ZNF638: variants seen among roughly 807,000 people sequenced by gnomAD.
The protein encoded by ZNF638 is CTCL tumor antigen se33-1.
Under a neutral mutation model 195.6 loss-of-function variants are expected in ZNF638, and 46 were observed. The observed-to-expected ratio is 0.24, with a 90% confidence interval of 0.19 to 0.30. The LOEUF is 0.30. Among genes scored for constraint, ZNF638 ranks in the 10% least tolerant of loss-of-function variants. The pLI is 1.00. For synonymous variants in ZNF638, 845 were observed against 772.0 expected (o/e 1.09, Z -1.57); for missense variants, 2,440 against 2,325.3 (o/e 1.05, Z -1.01).
At chr2:71,429,420 C>G (rs1040456843) in intron 25 of ZNF638, among the ~76,000 whole-genome samples, 10 of 152,152 alleles carry the variant, frequency 6.6e-5, no homozygotes, top group African/African-American at 2.2e-4. Context: ...CTTTCCCCCC[C>G]TTCTACATCA....
At chr2:71,335,523 G>A (rs561248827) in intron 1 of ZNF638, among the ~76,000 whole-genome samples, 216 of 150,916 alleles carry the variant, frequency 1.4e-3, no homozygotes, top group African/African-American at 5.1e-3. Flanking sequence ...GCCAACTTTT[G>A]TTTTAAATAT....
chr2:71,397,561 A>G (rs560291510), intron 11 of ZNF638, among the ~76,000 whole-genome samples: 25 of 152,282 alleles, frequency 1.6e-4, no homozygotes, highest in Admixed American at 9.8e-4. Flanking sequence ...AATTTTGGCA[A>G]TCACCACCCT....
chr2:71,395,104 A>G, intron 10 of ZNF638: 1 of 613,276 alleles, frequency 1.6e-6, no homozygotes. Flanking sequence ...GAATCCCTAA[A>G]CGCCATAGAT....
At chr2:71,401,655 C>G (rs543125974) in intron 15 of ZNF638, among the ~76,000 whole-genome samples, 97 of 151,792 alleles carry the variant, frequency 6.4e-4, no homozygotes, top group African/African-American at 2.1e-3. Flanking sequence ...CCACTGCACT[C>G]CAGCCTGGGC....
chr2:71,392,459 C>T (rs1447039194), intron 10 of ZNF638, among the ~76,000 whole-genome samples: 1 of 152,140 alleles, frequency 6.6e-6, no homozygotes, highest in African/African-American at 2.4e-5. Flanking sequence ...TTGTTAGTGA[C>T]TCTGTTTGTT....
At chr2:71,408,393 T>G in intron 20 of ZNF638, 146 bp downstream of exon 20, 1 of 1,016,232 alleles carries the variant, frequency 9.8e-7, no homozygotes, top group Non-Finnish European at 1.4e-6. Context: ...TTTCATAGTT[T>G]ATAAAGCAGT....
intron 20 of ZNF638, among the ~76,000 whole-genome samples, chr2:71,410,236 C>T (rs942908765): frequency 6.6e-6 from 1 of 152,182 alleles, no homozygotes; most frequent in African/African-American, 2.4e-5. Context: ...GGCTGGAGTG[C>T]CATGGTTCAA....
intron 19 of ZNF638, 199 bp from the exon 20 acceptor site, chr2:71,407,923 T>C (rs1188648329): frequency 2.2e-5 from 10 of 459,632 alleles, no homozygotes; most frequent in South Asian, 4.0e-5. Context: ...CACTCATCCA[T>C]TGATGGACAG....
intron 3 of ZNF638, among the ~76,000 whole-genome samples, chr2:71,361,398 A>G (rs774340008): frequency 9.2e-5 from 14 of 152,216 alleles, no homozygotes; most frequent in Non-Finnish European, 1.8e-4. Context: ...TACACATTCT[A>G]AGTAACTGGC....
Position 71,331,851 on chromosome 2 carries a change from C to G in ZNF638, c.-227C>G. The G allele has an allele frequency of 3.0e-6, 3 of 986,266 alleles. No individual in the cohort carries two copies. Among genetic ancestry groups the G allele is most frequent in the Non-Finnish European group, 3.6e-6 (3 of 830,286 alleles). The allele number at this position is 986,266 out of a possible 1,614,324, so 61.1% of individuals were successfully genotyped here. Reference sequence around the variant, plus strand: ...AAACTGTGTGGGGCGCGGATGGGATCCAGCTGTTAGTCGGGTAGGCATAGG... The same window carrying G: ...AAACTGTGTGGGGCGCGGATGGGATGCAGCTGTTAGTCGGGTAGGCATAGG... On this transcript the variant is annotated 5_prime_UTR_variant, in exon 1 of 28. In the 5' UTR this introduces an upstream ATG that the reference lacks. Coordinates refer to ENST00000264447, the MANE Select transcript of ZNF638 (RefSeq NM_014497.5).
intron 8 of ZNF638, among the ~76,000 whole-genome samples, chr2:71,372,497 A>G (rs2079332198): frequency 1.3e-5 from 2 of 152,178 alleles, no homozygotes; most frequent in Admixed American, 6.5e-5. Context: ...GACTCTGTCC[A>G]TGTTGTGGGG....
At chr2:71,348,041 T>C (rs1030515217) in intron 1 of ZNF638, among the ~76,000 whole-genome samples, 2 of 152,230 alleles carry the variant, frequency 1.3e-5, no homozygotes, top group African/African-American at 4.8e-5. Flanking sequence ...TAGTTAATCA[T>C]TATTGTCATC....
intron 1 of ZNF638, 125 bp from the exon 2 acceptor site, chr2:71,348,628 T>G (rs2078894148): frequency 8.0e-7 from 1 of 1,244,540 alleles, no homozygotes; most frequent in South Asian, 1.6e-5. Flanking sequence ...GCCCTTACTC[T>G]AAAAGTATAT....
chr2:71,346,210 A>G (rs13009964), intron 1 of ZNF638, among the ~76,000 whole-genome samples: 40,164 of 152,124 alleles, frequency 0.26, 6,952 homozygotes, highest in African/African-American at 0.49. Context: ...GTCTTCACCA[A>G]ATGGAATAAG....
chr2:71,376,846 A>T (rs1276844637), intron 8 of ZNF638, among the ~76,000 whole-genome samples: 1 of 152,210 alleles, frequency 6.6e-6, no homozygotes, highest in Non-Finnish European at 1.5e-5. Context: ...TAACCTCGAC[A>T]TCCATTCTTA....
Position 71,351,890 on chromosome 2 carries a change from G to A in ZNF638, c.1317+1619G>A, listed in dbSNP as rs147724472. On this transcript the variant is annotated intron_variant, in intron 2 of 27. Transcript: ENST00000264447. ...TATGCTGTAGGGGACAGAGATTTCTGTCTTGATTTCAGGCATGTATCACTC... is the reference window on the plus strand; with the variant it reads ...TATGCTGTAGGGGACAGAGATTTCTATCTTGATTTCAGGCATGTATCACTC... 1.1e-4 allele frequency among the ~76,000 whole-genome samples: 16 copies of A among 152,244 alleles called. 1 individual carries two copies. In the East Asian group the frequency reaches 3.1e-3, roughly 29 times the overall value.
At chr2:71,343,760 T>C (rs1022189344) in intron 1 of ZNF638, among the ~76,000 whole-genome samples, 1 of 152,152 alleles carries the variant, frequency 6.6e-6, no homozygotes, top group Non-Finnish European at 1.5e-5. Flanking sequence ...TGAATTTGAA[T>C]TTTCTGCTTT....
At chr2:71,422,417 C>G (rs982132473) in intron 21 of ZNF638, among the ~76,000 whole-genome samples, 2 of 151,938 alleles carry the variant, frequency 1.3e-5, no homozygotes, top group African/African-American at 4.8e-5. Context: ...ATGCATGGAT[C>G]ATTAGTTTTA....
At chr2:71,410,433 A>G (rs942861195) in intron 20 of ZNF638, among the ~76,000 whole-genome samples, 7 of 151,802 alleles carry the variant, frequency 4.6e-5, no homozygotes, top group African/African-American at 1.7e-4. Flanking sequence ...CTGGTCTCAA[A>G]CTTCTGGCCT....
Sources: allele counts gnomAD v4.1 joint callset (sites outside exome capture counted in the v4.1 genomes callset), GRCh38; gene constraint gnomAD v4.1.1; transcripts MANE v1.5; gene names NCBI Gene and HGNC (gene_info 2026-07-23, HGNC 2026-07-21).